KIAA1328: variants seen among roughly 807,000 people sequenced by gnomAD.
KIAA1328 encodes the protein protein hinderin.
In KIAA1328, 52 loss-of-function variants were observed where a neutral mutation model predicts 68.1. The observed-to-expected ratio is 0.76, with a 90% CI of 0.61 to 0.96. KIAA1328 has a LOEUF of 0.96. Ranked by LOEUF, KIAA1328 falls within the 40% of genes least tolerant of loss-of-function variation. The probability of loss-of-function intolerance (pLI) is 0.00; values close to 1 mark genes in which losing one functional copy is unlikely to be tolerated. For missense variants in KIAA1328, 641 were observed against 677.6 expected (o/e 0.95, Z 0.60); for synonymous variants, 232 against 239.4 (o/e 0.97, Z 0.28).
At chr18:37,166,491 G>C (rs1434194019) in intron 8 of KIAA1328, among the ~76,000 whole-genome samples, 4 of 152,064 alleles carry the variant, frequency 2.6e-5, no homozygotes, top group African/African-American at 9.7e-5. Flanking sequence ...TGTAGTCCAA[G>C]ACAGTTCTCC....
intron 6 of KIAA1328, among the ~76,000 whole-genome samples, chr18:37,016,100 T>A (rs2151508075): frequency 6.6e-6 from 1 of 152,266 alleles, no homozygotes; most frequent in African/African-American, 2.4e-5. Flanking sequence ...ATGCTTCCGG[T>A]TTTTGCCTGT....
intron 5 of KIAA1328, among the ~76,000 whole-genome samples, chr18:36,949,476 G>A (rs1213795743): frequency 4.0e-5 from 6 of 151,870 alleles, no homozygotes; most frequent in Non-Finnish European, 7.4e-5. Context: ...TACCTTTAAA[G>A]TTGGAGAAAT....
At position 36,856,603 on chromosome 18, in the gene KIAA1328, A is replaced by T. The variant is rs183281157; in HGVS notation, c.332+12301A>T. 1.5e-3 allele frequency among the ~76,000 whole-genome samples: 230 copies of T among 152,068 alleles called. 1 individual carries two copies. Among genetic ancestry groups the T allele is most frequent in the Non-Finnish European group, 2.8e-3 (189 of 67,956 alleles). ...TTAGTTTCTTGACCATAGTTCTTTT[A>T]GTTCTTTGAGTGTATTCAGGACAGT... On this transcript the variant is annotated intron_variant, in intron 4 of 9. Coordinates refer to ENST00000280020, the MANE Select transcript of KIAA1328 (RefSeq NM_020776.3).
intron 5 of KIAA1328, among the ~76,000 whole-genome samples, chr18:36,953,392 A>C (rs1473952434): frequency 3.6e-5 from 5 of 139,588 alleles, no homozygotes; most frequent in African/African-American, 9.3e-5. Flanking sequence ...ATAGATAGAT[A>C]GATAGATAGA....
At chr18:36,964,693 G>C (rs1177302868) in intron 6 of KIAA1328, among the ~76,000 whole-genome samples, 2 of 151,958 alleles carry the variant, frequency 1.3e-5, no homozygotes, top group African/African-American at 2.4e-5. Context: ...TTCATAGTGG[G>C]TTCTAGAGAG....
intron 5 of KIAA1328, among the ~76,000 whole-genome samples, chr18:36,899,555 A>AATG (rs1000236219): frequency 6.6e-6 from 1 of 151,922 alleles, no homozygotes; most frequent in African/African-American, 2.4e-5. Flanking sequence ...TAAAACTGCA[A>AATG]ATGATTGGAC....
At chr18:36,997,061 C>T (rs1192159725) in intron 6 of KIAA1328, among the ~76,000 whole-genome samples, 1 of 152,056 alleles carries the variant, frequency 6.6e-6, no homozygotes, top group Non-Finnish European at 1.5e-5. Flanking sequence ...CTACTTGCCT[C>T]TTACTAGGTT....
intron 6 of KIAA1328, among the ~76,000 whole-genome samples, chr18:36,996,642 A>C (rs1468186815): frequency 6.6e-6 from 1 of 152,110 alleles, no homozygotes; most frequent in Non-Finnish European, 1.5e-5. Flanking sequence ...ATAAATGGGG[A>C]TGAGGGCAGT....
At chr18:37,000,102 A>T (rs1290033589) in intron 6 of KIAA1328, among the ~76,000 whole-genome samples, 1 of 152,116 alleles carries the variant, frequency 6.6e-6, no homozygotes, top group African/African-American at 2.4e-5. Context: ...CATATGCTGC[A>T]TACAAGAAAC....
chr18:36,869,120 A>G (rs1027145868), intron 4 of KIAA1328, among the ~76,000 whole-genome samples: 1 of 150,506 alleles, frequency 6.6e-6, no homozygotes, highest in African/African-American at 2.4e-5. Context: ...AGTATACAAT[A>G]CTGTTTATAA....
intron 7 of KIAA1328, among the ~76,000 whole-genome samples, chr18:37,121,678 G>A (rs2058276133): frequency 6.6e-6 from 1 of 152,080 alleles, no homozygotes; most frequent in Admixed American, 6.6e-5. Flanking sequence ...AGCTTTCCTA[G>A]TTAAGACAAT....
At chr18:37,147,850 G>A (rs890758516) in intron 7 of KIAA1328, among the ~76,000 whole-genome samples, 1 of 152,030 alleles carries the variant, frequency 6.6e-6, no homozygotes, top group Non-Finnish European at 1.5e-5. Context: ...TCTAAGAAAT[G>A]TCTTAATAAT....
At chr18:36,869,904 C>A (rs2047887869) in intron 4 of KIAA1328, among the ~76,000 whole-genome samples, 1 of 151,948 alleles carries the variant, frequency 6.6e-6, no homozygotes, top group South Asian at 2.1e-4. Context: ...CACTCTGTCA[C>A]CAGGCTGGAG....
intron 5 of KIAA1328, among the ~76,000 whole-genome samples, chr18:36,934,067 G>T (rs1459044149): frequency 1.3e-5 from 2 of 152,122 alleles, no homozygotes; most frequent in Non-Finnish European, 2.9e-5. Flanking sequence ...TCTATGGGGG[G>T]TCATGGGATC....
chr18:36,858,638 T>C (rs1266671631), intron 4 of KIAA1328, among the ~76,000 whole-genome samples: 1 of 152,208 alleles, frequency 6.6e-6, no homozygotes, highest in Non-Finnish European at 1.5e-5. Flanking sequence ...TTCTTAATCT[T>C]CCCCAATATA....
At chr18:37,066,486 C>A (rs960061443) in intron 6 of KIAA1328, among the ~76,000 whole-genome samples, 3 of 149,238 alleles carry the variant, frequency 2.0e-5, no homozygotes, top group Non-Finnish European at 4.4e-5. Context: ...TGTGTAATGG[C>A]CAAAGAGTAT....
intron 6 of KIAA1328, among the ~76,000 whole-genome samples, chr18:36,981,240 A>T (rs1019394509): frequency 6.6e-6 from 1 of 152,270 alleles, no homozygotes; most frequent in Non-Finnish European, 1.5e-5. Context: ...ACCTCTCCAC[A>T]CTGATTCAAC....
chr18:37,229,921 C>A (rs1412663036), downstream of KIAA1328: 1 of 154,212 alleles, frequency 6.5e-6, no homozygotes, highest in African/African-American at 2.4e-5. Flanking sequence ...AGTCCACTTC[C>A]TATTTTCAAA....
At chr18:37,092,105 T>C (rs977115171) in intron 7 of KIAA1328, among the ~76,000 whole-genome samples, 2 of 152,080 alleles carry the variant, frequency 1.3e-5, no homozygotes, top group African/African-American at 4.8e-5. Context: ...TCACAGCTGT[T>C]GCCAACATGC....
Sources: gnomAD v4.1 joint callset for allele counts (sites outside exome capture counted in the v4.1 genomes callset) on GRCh38, gnomAD v4.1.1 for gene constraint, MANE v1.5 for transcripts, NCBI Gene and HGNC (gene_info 2026-07-23, HGNC 2026-07-21) for gene names.